The following CAST variants were observed in gnomAD, a reference collection of about 807,000 sequenced individuals.
CAST encodes the protein calpastatin.
CAST carries 76 observed loss-of-function variants against 119.6 expected under a neutral mutation model. That is an observed-to-expected ratio of 0.64 (90% CI 0.53 to 0.77). The LOEUF is 0.77. CAST is among the 30% of genes least tolerant of loss of function. The pLI is 0.00. For missense variants in CAST, 953 were observed against 946.5 expected (o/e 1.01, Z -0.09); for synonymous variants, 319 against 331.6 (o/e 0.96, Z 0.41).
At chr5:96,348,000 C>G in the CAST span, among the ~76,000 whole-genome samples, 1 of 152,110 alleles carries the variant, frequency 6.6e-6, no homozygotes, top group Non-Finnish European at 1.5e-5. Context: ...ACAAATAAGA[C>G]AGAAATCGAG....
the CAST span, among the ~76,000 whole-genome samples, chr5:96,177,807 T>C: frequency 1.3e-5 from 2 of 152,244 alleles, no homozygotes; most frequent in Non-Finnish European, 2.9e-5. Context: ...CAAGCCGAGC[T>C]GCTTCTGGTT....
At chr5:96,060,503 C>T in the CAST span, among the ~76,000 whole-genome samples, 5 of 152,066 alleles carry the variant, frequency 3.3e-5, no homozygotes, top group Non-Finnish European at 5.9e-5. Flanking sequence ...GCATTTCCAG[C>T]GTCCTATCAC....
chr5:96,440,158 A>G, the CAST span, among the ~76,000 whole-genome samples: 24 of 147,884 alleles, frequency 1.6e-4, no homozygotes, highest in Admixed American at 4.7e-4. Context: ...AATTTCTGCA[A>G]TTATGTTTAT....
At chr5:96,199,734 T>A in the CAST span, among the ~76,000 whole-genome samples, 1 of 152,194 alleles carries the variant, frequency 6.6e-6, no homozygotes, top group African/African-American at 2.4e-5. Context: ...TAGAAAACTC[T>A]TATTTTACCT....
chr5:96,766,078 A>C lies in CAST; in HGVS notation c.2063A>C (p.Asp688Ala), dbSNP rs145348468. 26 of 1,607,894 alleles carry C rather than the reference A, an allele frequency of 1.6e-5. No individual in the cohort carries two copies. The highest frequency in any genetic ancestry group is 2.2e-5 in the Non-Finnish European group (26 of 1,175,108). ...VKEKAKAEHR[D>A]KLGERDDTIP... ...GAAAAAGCTAAAGCTGAACATAGAG[A>C]CAAGCTTGGAGAAAGAGATGACACT... Residue 688 changes from aspartate (D) to alanine (A), a missense_variant, in exon 27 of 32, where the codon GAC becomes GCC. Asp to Ala is a moderately radical substitution (Grantham distance 126). Transcript: ENST00000675179.
the CAST span, among the ~76,000 whole-genome samples, chr5:96,475,298 A>G: frequency 2.7e-3 from 416 of 152,344 alleles, 3 homozygotes; most frequent in African/African-American, 9.6e-3. Flanking sequence ...CTTCATCGAA[A>G]ATGAATTAAT....
At chr5:96,462,095 T>C in the CAST span, among the ~76,000 whole-genome samples, 35 of 152,204 alleles carry the variant, frequency 2.3e-4, no homozygotes, top group African/African-American at 7.7e-4. Flanking sequence ...CCCATCCCTG[T>C]TCCCCAGCAC....
intron 1 of CAST, among the ~76,000 whole-genome samples, chr5:96,649,089 T>C (rs764765529): frequency 1.3e-5 from 2 of 152,228 alleles, no homozygotes; most frequent in Non-Finnish European, 2.9e-5. Flanking sequence ...TAAAATTGCC[T>C]ATATTCAAAG....
the CAST span, among the ~76,000 whole-genome samples, chr5:96,295,477 C>G: frequency 6.6e-6 from 1 of 152,158 alleles, no homozygotes; most frequent in African/African-American, 2.4e-5. Flanking sequence ...TGTCTCTTCA[C>G]TAATTTGAAG....
chr5:96,586,747 G>A (rs912680142), intron 1 of CAST, among the ~76,000 whole-genome samples: 1 of 152,224 alleles, frequency 6.6e-6, no homozygotes, highest in African/African-American at 2.4e-5. Flanking sequence ...AAAAGTTCCA[G>A]TATAAATTAC....
intron 1 of CAST, among the ~76,000 whole-genome samples, chr5:96,651,229 C>T (rs1221769705): frequency 6.6e-6 from 1 of 152,178 alleles, no homozygotes; most frequent in Non-Finnish European, 1.5e-5. Context: ...AGTTAGAAAG[C>T]AGAACAGCAA....
the CAST span, among the ~76,000 whole-genome samples, chr5:96,515,196 G>A: frequency 6.6e-6 from 1 of 152,082 alleles, no homozygotes; most frequent in Non-Finnish European, 1.5e-5. Flanking sequence ...TTGCCCAGCT[G>A]AAAAATAACA....
chr5:96,556,770 G>C (rs1356709047), intron 1 of CAST, among the ~76,000 whole-genome samples: 2 of 152,206 alleles, frequency 1.3e-5, no homozygotes, highest in African/African-American at 4.8e-5. Flanking sequence ...ATGGAACCAA[G>C]TTGGAAAACA....
the CAST span, among the ~76,000 whole-genome samples, chr5:95,995,240 C>T: frequency 1.3e-5 from 2 of 151,470 alleles, no homozygotes; most frequent in African/African-American, 4.9e-5. Flanking sequence ...CCCAGTGGAG[C>T]TCATCCCACA....
intron 16 of CAST, among the ~76,000 whole-genome samples, chr5:96,744,911 A>T (rs778387944): frequency 6.6e-6 from 1 of 152,222 alleles, no homozygotes; most frequent in Non-Finnish European, 1.5e-5. Context: ...AGCCCATTAT[A>T]AGTCTCCCAC....
the CAST span, among the ~76,000 whole-genome samples, chr5:96,507,491 T>C: frequency 6.6e-6 from 1 of 152,180 alleles, no homozygotes; most frequent in East Asian, 1.9e-4. Context: ...GAACCCACTT[T>C]GTGTAGGTCT....
chr5:95,968,796 T>C, the CAST span, among the ~76,000 whole-genome samples: 1 of 152,188 alleles, frequency 6.6e-6, no homozygotes, highest in African/African-American at 2.4e-5. Context: ...TGCTTTTGCC[T>C]TGGGTTTTGG....
At chr5:96,232,540 C>T in the CAST span, among the ~76,000 whole-genome samples, 1 of 151,986 alleles carries the variant, frequency 6.6e-6, no homozygotes, top group African/African-American at 2.4e-5. Flanking sequence ...TTATGGTGTT[C>T]AGCAAGGTTG....
the CAST span, among the ~76,000 whole-genome samples, chr5:96,204,072 G>A: frequency 0.013 from 1,998 of 152,118 alleles, 26 homozygotes; most frequent in Admixed American, 0.044. Flanking sequence ...TATTGAAAAG[G>A]GGAGAGTGAT....
Sources: gnomAD v4.1 joint callset for allele counts (sites outside exome capture counted in the v4.1 genomes callset) on GRCh38, gnomAD v4.1.1 for gene constraint, MANE v1.5 for transcripts, NCBI Gene and HGNC (gene_info 2026-07-23, HGNC 2026-07-21) for gene names.